STK32B: variants seen among roughly 807,000 people sequenced by gnomAD.
STK32B encodes serine/threonine-protein kinase 32B.
In STK32B, 43 loss-of-function variants were observed where a neutral mutation model predicts 52.6. The ratio of observed to expected loss-of-function variants is 0.82; its 90% CI spans 0.64 to 1.05. The LOEUF is 1.05. Among genes scored for constraint, STK32B ranks in the 50% least tolerant of loss-of-function variants. STK32B has a pLI of 0.00. For missense variants in STK32B, 621 were observed against 534.6 expected, an observed-to-expected ratio of 1.16 and a Z score of -1.59; for synonymous variants, 238 against 204.3, an observed-to-expected ratio of 1.17 and a Z score of -1.41.
intron 3 of STK32B, among the ~76,000 whole-genome samples, chr4:5,230,956 T>G (rs1303315163): frequency 6.6e-6 from 1 of 151,876 alleles, no homozygotes; most frequent in Admixed American, 6.6e-5. Context: ...CAATTTAGAG[T>G]CTATGGAAAA....
intron 4 of STK32B, among the ~76,000 whole-genome samples, chr4:5,367,908 C>T (rs569665577): frequency 3.9e-4 from 60 of 152,264 alleles, no homozygotes; most frequent in South Asian, 6.2e-4. Context: ...CTGTCCACAT[C>T]GCCGCCCAGG....
At chr4:5,369,155 C>T (rs905447041) in intron 4 of STK32B, among the ~76,000 whole-genome samples, 4 of 151,792 alleles carry the variant, frequency 2.6e-5, no homozygotes, top group African/African-American at 9.7e-5. Context: ...TTCGCCTCTC[C>T]TCCCACTCTT....
intron 1 of STK32B, among the ~76,000 whole-genome samples, chr4:5,060,830 G>T (rs763917431): frequency 2.0e-5 from 3 of 152,134 alleles, no homozygotes; most frequent in Non-Finnish European, 4.4e-5. Flanking sequence ...TTGAAGATAT[G>T]ATTTATTGTC....
chr4:5,201,031 A>G (rs1428160997), intron 3 of STK32B, among the ~76,000 whole-genome samples: 2 of 152,324 alleles, frequency 1.3e-5, no homozygotes, highest in South Asian at 2.1e-4. Context: ...AGCTGGCAAG[A>G]AAATGCAGCA....
intron 3 of STK32B, among the ~76,000 whole-genome samples, chr4:5,198,390 G>A (rs1721866904): frequency 6.6e-6 from 1 of 152,176 alleles, no homozygotes; most frequent in Non-Finnish European, 1.5e-5. Context: ...TGGGAAGGTG[G>A]TAGCTTATAC....
At chr4:5,476,435 A>G (rs989446322) in intron 11 of STK32B, among the ~76,000 whole-genome samples, 4 of 152,196 alleles carry the variant, frequency 2.6e-5, no homozygotes, top group Non-Finnish European at 5.9e-5. Flanking sequence ...GGGAAAGTAT[A>G]TAAAATACAG....
At chr4:5,247,180 A>C (rs955191099) in intron 3 of STK32B, among the ~76,000 whole-genome samples, 1 of 152,194 alleles carries the variant, frequency 6.6e-6, no homozygotes, top group African/African-American at 2.4e-5. Flanking sequence ...GGTGGAGCCT[A>C]CAGAGGCAGG....
intron 3 of STK32B, among the ~76,000 whole-genome samples, chr4:5,307,958 C>CAA (rs145348380): frequency 0.13 from 19,385 of 151,994 alleles, 2,660 homozygotes; most frequent in African/African-American, 0.35. Flanking sequence ...GAAGTGTCTG[C>CAA]AGAGTTCTAT....
At chr4:5,351,509 A>G (rs993373541) in intron 4 of STK32B, among the ~76,000 whole-genome samples, 2 of 152,106 alleles carry the variant, frequency 1.3e-5, no homozygotes, top group African/African-American at 4.8e-5. Context: ...CCTACATCAA[A>G]AGAGTAGAAA....
intron 11 of STK32B, among the ~76,000 whole-genome samples, chr4:5,497,953 T>A (rs931055627): frequency 6.6e-6 from 1 of 152,186 alleles, no homozygotes; most frequent in African/African-American, 2.4e-5. Flanking sequence ...AAGGTAGAAC[T>A]AATAGTAATT....
chr4:5,499,106 C>T lies in STK32B; in HGVS notation c.*23C>T. 1 of 1,596,296 alleles carries T rather than the reference C, an allele frequency of 6.3e-7. No individual in the cohort carries two copies. Among genetic ancestry groups the T allele is most frequent in the Non-Finnish European group, 8.5e-7 (1 of 1,169,716 alleles). ...TGAGCCCACACTTGTTGCTGCTCAA[C>T]AGGACTGCACTCGTCTCTGCCCTGC... On this transcript the variant is annotated 3_prime_UTR_variant, in exon 12 of 12. Coordinates refer to ENST00000282908, the MANE Select transcript of STK32B (RefSeq NM_018401.3).
chr4:5,173,661 C>G (rs1719579514), intron 3 of STK32B, among the ~76,000 whole-genome samples: 1 of 152,186 alleles, frequency 6.6e-6, no homozygotes, highest in Non-Finnish European at 1.5e-5. Context: ...GCACTGTGGT[C>G]TGAGAGACAG....
chr4:5,126,278 C>T (rs1224164630), intron 1 of STK32B, among the ~76,000 whole-genome samples: 1 of 152,148 alleles, frequency 6.6e-6, no homozygotes, highest in Non-Finnish European at 1.5e-5. Flanking sequence ...ATCTCCATCC[C>T]TTCTTGTCAT....
At chr4:5,438,536 G>T (rs1477984039) in intron 6 of STK32B, among the ~76,000 whole-genome samples, 4 of 152,334 alleles carry the variant, frequency 2.6e-5, no homozygotes, top group East Asian at 1.9e-4. Context: ...TTGGGTAACT[G>T]ATGGACGATG....
At chr4:5,047,988 T>C (rs185911860), upstream of STK32B, among the ~76,000 whole-genome samples, 1 of 152,130 alleles carries the variant, frequency 6.6e-6, no homozygotes, top group South Asian at 2.1e-4. Flanking sequence ...CATGTGAAGA[T>C]GGTGGTAGAG....
chr4:5,246,823 T>A (rs1006958574), intron 3 of STK32B, among the ~76,000 whole-genome samples: 3 of 152,138 alleles, frequency 2.0e-5, no homozygotes, highest in Admixed American at 2.0e-4. Flanking sequence ...TCTGTTGGAG[T>A]TTACTGGAGG....
intron 1 of STK32B, chr4:5,127,209 C>T (rs373210830): frequency 8.5e-5 from 39 of 461,038 alleles, no homozygotes; most frequent in African/African-American, 4.9e-4. Context: ...AGCTGCCATA[C>T]AGTTGAGCGT....
chr4:5,148,583 G>A (rs961978078), intron 2 of STK32B, among the ~76,000 whole-genome samples: 16 of 151,438 alleles, frequency 1.1e-4, no homozygotes, highest in African/African-American at 3.9e-4. Flanking sequence ...TTTCATTGTG[G>A]TCCAAGAACA....
In STK32B at chr4:5,074,212, G is replaced by A. The variant is rs181003287; in HGVS notation, c.52+22297G>A. Among the ~76,000 whole-genome samples, 835 of 151,534 alleles carry A rather than the reference G, an allele frequency of 5.5e-3. 9 individuals are homozygous for A. The highest frequency in any genetic ancestry group is 0.019 in the African/African-American group (788 of 41,342). Reference sequence around the variant, plus strand: ...TATGTGTGTGTGTGTGTGTGTGTGCGCGTGCGTGAAATATATTTCCTTATT... The same window carrying A: ...TATGTGTGTGTGTGTGTGTGTGTGCACGTGCGTGAAATATATTTCCTTATT... On this transcript the variant is annotated intron_variant, in intron 1 of 11. Coordinates refer to ENST00000282908, the MANE Select transcript of STK32B (RefSeq NM_018401.3).
Sources: gnomAD v4.1 joint callset for allele counts (sites outside exome capture counted in the v4.1 genomes callset) on GRCh38, gnomAD v4.1.1 for gene constraint, MANE v1.5 for transcripts, NCBI Gene and HGNC (gene_info 2026-07-23, HGNC 2026-07-21) for gene names.